The following NRXN3 variants were observed in gnomAD, a reference collection of about 807,000 sequenced individuals.
The protein encoded by NRXN3 is neurexin III.
In NRXN3, 32 loss-of-function variants were observed where a neutral mutation model predicts 137.6. The observed-to-expected ratio is 0.23, with a 90% CI of 0.18 to 0.31. The LOEUF (loss-of-function observed/expected upper bound fraction) is 0.31. Ranked by LOEUF, NRXN3 falls within the 10% of genes least tolerant of loss-of-function variation. The probability of loss-of-function intolerance (pLI) is 1.00; values close to 1 mark genes in which losing one functional copy is unlikely to be tolerated. For synonymous variants in NRXN3, 798 were observed against 784.5 expected, an observed-to-expected ratio of 1.02 and a Z score of -0.29; for missense variants, 1,574 against 2,062.5, an observed-to-expected ratio of 0.76 and a Z score of 4.59.
chr14:79,647,582 G>A (rs1271721844), intron 16 of NRXN3, among the ~76,000 whole-genome samples: 5 of 135,710 alleles, frequency 3.7e-5, no homozygotes, highest in East Asian at 2.0e-4. Flanking sequence ...TCTTTCTTAT[G>A]AGTCTGCCTA....
At chr14:78,472,850 A>C (rs1404025864) in intron 4 of NRXN3, among the ~76,000 whole-genome samples, 1 of 152,062 alleles carries the variant, frequency 6.6e-6, no homozygotes, top group African/African-American at 2.4e-5. Context: ...TTCTCTAAAC[A>C]ATAGGTGACT....
intron 16 of NRXN3, among the ~76,000 whole-genome samples, chr14:79,580,533 G>A (rs1378018135): frequency 6.6e-6 from 1 of 151,980 alleles, no homozygotes; most frequent in Non-Finnish European, 1.5e-5. Flanking sequence ...CTGAGGAAGG[G>A]CTGGGACTGC....
At chr14:79,075,106 G>C (rs1260261506) in intron 15 of NRXN3, among the ~76,000 whole-genome samples, 1 of 152,070 alleles carries the variant, frequency 6.6e-6, no homozygotes, top group Non-Finnish European at 1.5e-5. Context: ...AAATCAAATG[G>C]TGTCAGAGCT....
At chr14:78,878,787 T>C (rs1468187971) in intron 10 of NRXN3, among the ~76,000 whole-genome samples, 1 of 152,176 alleles carries the variant, frequency 6.6e-6, no homozygotes, top group African/African-American at 2.4e-5. Context: ...ACAATGGATT[T>C]CTTGAACTTA....
At chr14:79,363,498 A>G (rs1474711680) in intron 15 of NRXN3, among the ~76,000 whole-genome samples, 1 of 152,218 alleles carries the variant, frequency 6.6e-6, no homozygotes, top group East Asian at 1.9e-4. Flanking sequence ...ACAAACAGCC[A>G]TGTACGTAGG....
At chr14:78,295,665 A>C (rs2076239349) in intron 3 of NRXN3, among the ~76,000 whole-genome samples, 1 of 151,930 alleles carries the variant, frequency 6.6e-6, no homozygotes, top group Non-Finnish European at 1.5e-5. Flanking sequence ...TCTGGCCCCC[A>C]CTCCTTCCCA....
chr14:79,100,268 C>T (rs1292884836), intron 15 of NRXN3, among the ~76,000 whole-genome samples: 1 of 152,230 alleles, frequency 6.6e-6, no homozygotes, highest in Admixed American at 6.5e-5. Context: ...AAGACACCTA[C>T]ACATGTTCAC....
chr14:79,089,827 T>A (rs2048831169), intron 15 of NRXN3, among the ~76,000 whole-genome samples: 2 of 152,158 alleles, frequency 1.3e-5, no homozygotes, highest in Non-Finnish European at 2.9e-5. Context: ...GAAAATTCCA[T>A]GGAGAAATAT....
intron 8 of NRXN3, among the ~76,000 whole-genome samples, chr14:78,777,339 T>A (rs2098747808): frequency 6.6e-6 from 1 of 152,222 alleles, no homozygotes; most frequent in Admixed American, 6.5e-5. Context: ...CATTTTTCAA[T>A]TCCTGCCATT....
rs533854094 is a variant in NRXN3 at position 78,515,661 on chromosome 14, A to T, written c.758-129459A>T. Among the ~76,000 whole-genome samples, 22 of 152,246 alleles carry T rather than the reference A, an allele frequency of 1.4e-4. No individual in the cohort carries two copies. In the East Asian group the frequency reaches 3.3e-3, roughly 23 times the overall value. ...GTTGAGCACAGATCCAATAGAGGAAAAATACTGTCTTCAGGCAGATAGGGG... is the reference window on the plus strand; with the variant it reads ...GTTGAGCACAGATCCAATAGAGGAATAATACTGTCTTCAGGCAGATAGGGG... On this transcript the variant is annotated intron_variant, in intron 4 of 20. Transcript: ENST00000335750.
intron 19 of NRXN3, among the ~76,000 whole-genome samples, chr14:79,725,089 G>GTT (rs2098875877): frequency 6.6e-6 from 1 of 152,096 alleles, no homozygotes; most frequent in Non-Finnish European, 1.5e-5. Context: ...CCAAGTGCCA[G>GTT]GTGCAGAAGT....
chr14:78,459,219 A>G (rs2094846018), intron 4 of NRXN3, among the ~76,000 whole-genome samples: 1 of 152,214 alleles, frequency 6.6e-6, no homozygotes, highest in Non-Finnish European at 1.5e-5. Context: ...TGAGTAGGGC[A>G]TCAAAAGATA....
In NRXN3 at chr14:78,243,557, A is replaced by G. The variant is rs2067278300; in HGVS notation, c.464A>G (p.Asp155Gly). The stretch of plus-strand genomic sequence containing the variant: ...TTGTTCCTTGGTGGAGTCCCTACTG[A>G]CATACGACCTTCTGCCCTGACCCTT... Reference protein sequence around the residue: ...SDLFLGGVPTDIRPSALTLDG... With the variant: ...SDLFLGGVPTGIRPSALTLDG... The change falls in exon 2 of 21, where the codon GAC (aspartate) becomes GGC (glycine). Residue 155 changes from aspartate (D) to glycine (G), a missense_variant. Asp to Gly is a moderately conservative substitution (Grantham distance 94, BLOSUM62 -1). This residue lies in a region of NRXN3 where 400 missense variants were observed against 527.3 expected (regional missense o/e 0.76). Transcript: ENST00000335750. This position sits in a 1 kb window ranked among gnomAD's most constrained non-coding sequence, Gnocchi z 4.2. 3 of 1,598,068 alleles carry G rather than the reference A, an allele frequency of 1.9e-6. No individual in the cohort carries two copies. The African/African-American group carries it at 4.0e-5, about 21-fold the overall frequency.
At chr14:78,854,550 G>A (rs541254964) in intron 10 of NRXN3, among the ~76,000 whole-genome samples, 55 of 152,224 alleles carry the variant, frequency 3.6e-4, no homozygotes, top group African/African-American at 1.3e-3. Flanking sequence ...AATTTATTGA[G>A]CACCTACAGT....
chr14:78,469,669 A>G (rs1447302765), intron 4 of NRXN3, among the ~76,000 whole-genome samples: 6 of 152,194 alleles, frequency 3.9e-5, no homozygotes, highest in Non-Finnish European at 5.9e-5. Flanking sequence ...CTAATCCTGC[A>G]TCAAGTAGAG....
intron 4 of NRXN3, among the ~76,000 whole-genome samples, chr14:78,503,347 G>T (rs1241233124): frequency 6.6e-6 from 1 of 152,190 alleles, no homozygotes; most frequent in Non-Finnish European, 1.5e-5. Context: ...GACCAGGAAG[G>T]AAAGGCCAGG....
chr14:79,421,358 A>C (rs938522385), intron 15 of NRXN3, among the ~76,000 whole-genome samples: 2 of 152,194 alleles, frequency 1.3e-5, no homozygotes, highest in African/African-American at 2.4e-5. Flanking sequence ...CTCAGTTTTC[A>C]CATCTATTAA....
At chr14:78,684,463 A>G (rs2098107634) in intron 6 of NRXN3, among the ~76,000 whole-genome samples, 1 of 152,196 alleles carries the variant, frequency 6.6e-6, no homozygotes, top group South Asian at 2.1e-4. Flanking sequence ...TCCAGGAGAC[A>G]CGGAAGTCAG....
rs68104206 is a variant in NRXN3 at position 78,627,104 on chromosome 14, TTCTCTCTCTCTCTCTCTCTC to T, written c.758-17995_758-17976del. The stretch of plus-strand genomic sequence containing the variant: ...TTCCCTCCCTTCCTCCCTCCCTCCC[TTCTCTCTCTCTCTCTCTCTC>T]TCTCTCTCTCTCTCTCTCTCATTTT... On this transcript the variant is annotated intron_variant, in intron 4 of 20. Transcript: ENST00000335750. 7.7e-4 allele frequency among the ~76,000 whole-genome samples: 93 copies of T among 121,098 alleles called. 1 individual carries two copies. Among genetic ancestry groups the T allele is most frequent in the African/African-American group, 2.5e-3 (80 of 31,980 alleles). The allele number at this position is 121,098 out of a possible 152,430, so 79.4% of individuals were successfully genotyped here.
Sources: allele counts gnomAD v4.1 joint callset (sites outside exome capture counted in the v4.1 genomes callset), GRCh38; gene constraint gnomAD v4.1.1; regional missense constraint gnomAD v4.1.1; non-coding constraint Gnocchi (gnomAD v3.1); transcripts MANE v1.5; gene names NCBI Gene and HGNC (gene_info 2026-07-23, HGNC 2026-07-21).